PPP4R2: variants seen among roughly 807,000 people sequenced by gnomAD.
PPP4R2 encodes the protein protein phosphatase 4 regulatory subunit 2.
In PPP4R2, 13 loss-of-function variants were observed where a neutral mutation model predicts 47.2. The ratio of observed to expected loss-of-function variants is 0.28; its 90% CI spans 0.18 to 0.44. PPP4R2 has a LOEUF of 0.44. Ranked by LOEUF, PPP4R2 falls within the 20% of genes least tolerant of loss-of-function variation. The pLI, the probability that PPP4R2 is intolerant of heterozygous loss-of-function variation, is 1.00. For synonymous variants in PPP4R2, 151 were observed against 163.3 expected (o/e 0.92, Z 0.57); for missense variants, 421 against 491.2 (o/e 0.86, Z 1.35).
chr3:73,008,497 C>T (rs188564323), intron 2 of PPP4R2, among the ~76,000 whole-genome samples: 9 of 152,212 alleles, frequency 5.9e-5, no homozygotes, highest in East Asian at 5.8e-4. Context: ...TTTTACTAGT[C>T]GTTGGCTAGT....
At chr3:73,063,485 A>G (rs1211892869) in intron 5 of PPP4R2, 188 bp from the exon 6 acceptor site, 11 of 518,980 alleles carry the variant, frequency 2.1e-5, no homozygotes, top group Non-Finnish European at 3.5e-5. Context: ...ATAGCTGCGC[A>G]TGGCATCACA....
intron 3 of PPP4R2, among the ~76,000 whole-genome samples, chr3:73,048,481 C>T (rs773151621): frequency 2.0e-5 from 3 of 152,100 alleles, no homozygotes; most frequent in Admixed American, 2.0e-4. Flanking sequence ...GTCTCCAACT[C>T]CTGACCTTGT....
At chr3:73,025,897 G>A (rs1321589814) in intron 2 of PPP4R2, among the ~76,000 whole-genome samples, 1 of 152,108 alleles carries the variant, frequency 6.6e-6, no homozygotes, top group African/African-American at 2.4e-5. Flanking sequence ...ATGAGAATTT[G>A]TAATGGTGCA....
intron 2 of PPP4R2, among the ~76,000 whole-genome samples, chr3:73,021,031 T>G (rs1701949466): frequency 6.6e-6 from 1 of 152,128 alleles, no homozygotes; most frequent in African/African-American, 2.4e-5. Flanking sequence ...TATGTAACAC[T>G]TGTCAAAGAT....
chr3:73,045,295 A>G lies in PPP4R2; in HGVS notation c.117-1891A>G, dbSNP rs372780696. On this transcript the variant is annotated intron_variant, in intron 2 of 8. Transcript: ENST00000356692. ...TGGGATTACAGGCGTGAGCCACCAC[A>G]CCTGGCCTCGTATAATATTTTTATG... Among the ~76,000 whole-genome samples the G allele has an allele frequency of 4.3e-4, 65 of 152,110 alleles. 1 individual carries two copies. The East Asian group carries it at 0.012, about 29-fold the overall frequency.
chr3:73,014,190 A>G (rs1043169073), intron 2 of PPP4R2, among the ~76,000 whole-genome samples: 1 of 130,768 alleles, frequency 7.6e-6, no homozygotes, highest in African/African-American at 2.7e-5. Flanking sequence ...TGGCTTTCCA[A>G]AAAACTTGTT....
At chr3:73,012,363 A>G (rs1420668944) in intron 2 of PPP4R2, among the ~76,000 whole-genome samples, 1 of 151,956 alleles carries the variant, frequency 6.6e-6, no homozygotes, top group African/African-American at 2.4e-5. Flanking sequence ...GCAGCGGCGC[A>G]ATCTCAGCTC....
intron 2 of PPP4R2, among the ~76,000 whole-genome samples, chr3:73,022,974 T>C (rs1213287379): frequency 2.0e-5 from 3 of 152,062 alleles, no homozygotes; most frequent in Admixed American, 2.0e-4. Context: ...GGTAAGAAAA[T>C]GTTTTAAGAG....
At chr3:73,049,456 G>A (rs980095813) in intron 3 of PPP4R2, among the ~76,000 whole-genome samples, 3 of 151,130 alleles carry the variant, frequency 2.0e-5, no homozygotes, top group Admixed American at 6.6e-5. Context: ...CCAAGATCTC[G>A]CTACTGCATT....
At chr3:73,022,648 A>G (rs1484267323) in intron 2 of PPP4R2, among the ~76,000 whole-genome samples, 2 of 152,184 alleles carry the variant, frequency 1.3e-5, no homozygotes, top group African/African-American at 4.8e-5. Context: ...TATCTTTGCT[A>G]CCAAGTTTAA....
chr3:73,040,557 T>C (rs935527812), intron 2 of PPP4R2, among the ~76,000 whole-genome samples: 1 of 148,128 alleles, frequency 6.8e-6, no homozygotes, highest in Non-Finnish European at 1.5e-5. Context: ...TGGAGTGCAG[T>C]GCAGTGGCAT....
At chr3:73,035,144 T>C (rs1702238886) in intron 2 of PPP4R2, among the ~76,000 whole-genome samples, 1 of 152,204 alleles carries the variant, frequency 6.6e-6, no homozygotes, top group Non-Finnish European at 1.5e-5. Flanking sequence ...TCAGAAGACA[T>C]ACAGGTATGT....
In PPP4R2 at chr3:73,014,787, A is replaced by G; in HGVS notation, c.116+16629A>G. 9.9e-6 allele frequency: 4 copies of G among 403,230 alleles called. 1 individual carries two copies. The highest frequency in any genetic ancestry group is 4.3e-5 in the Admixed American group (1 of 23,060). The allele number at this position is 403,230 out of a possible 1,614,324, so 25.0% of individuals were successfully genotyped here. On this transcript the variant is annotated intron_variant, in intron 2 of 8. Coordinates refer to ENST00000356692, the MANE Select transcript of PPP4R2 (RefSeq NM_174907.4). ...CTAGACTAAAAAAATTGCCTGTATC[A>G]TTTGTTTCATTGGAGATTTGAAAGT...
At chr3:73,062,666 T>C (rs1245151984) in intron 5 of PPP4R2, 1 of 1,613,974 alleles carries the variant, frequency 6.2e-7, no homozygotes, top group Non-Finnish European at 8.5e-7. Context: ...GCATTGCGGC[T>C]GGATCAAGTG....
At chr3:73,037,954 GT>G (rs1702299140) in intron 2 of PPP4R2, among the ~76,000 whole-genome samples, 1 of 152,172 alleles carries the variant, frequency 6.6e-6, no homozygotes, top group African/African-American at 2.4e-5. Context: ...GTCAAGGATT[GT>G]TACATATTTC....
chr3:73,035,626 T>C (rs1702247754), intron 2 of PPP4R2, among the ~76,000 whole-genome samples: 1 of 151,180 alleles, frequency 6.6e-6, no homozygotes, highest in Non-Finnish European at 1.5e-5. Context: ...CTGCACTTTC[T>C]TTTTTTTTCC....
chr3:73,051,942 CT>C (rs879430686), intron 3 of PPP4R2, among the ~76,000 whole-genome samples: 17 of 152,098 alleles, frequency 1.1e-4, no homozygotes, highest in Admixed American at 3.3e-4. Context: ...AGATTTTTCC[CT>C]CTTTGAAGTG....
At chr3:73,015,273 TGGTTCA>T (rs1379465453) in intron 2 of PPP4R2, among the ~76,000 whole-genome samples, 1 of 151,994 alleles carries the variant, frequency 6.6e-6, no homozygotes, top group Non-Finnish European at 1.5e-5. Flanking sequence ...TCTGCCTCCC[TGGTTCA>T]AGCAGTTCTC....
intron 2 of PPP4R2, chr3:73,016,184 C>G (rs7653855): frequency 0.13 from 19,896 of 152,198 alleles, 1,598 homozygotes; most frequent in East Asian, 0.36. Context: ...TAAATTAGAT[C>G]TGAAATTATT....
Sources: gnomAD v4.1 joint callset for allele counts (sites outside exome capture counted in the v4.1 genomes callset) on GRCh38, gnomAD v4.1.1 for gene constraint, MANE v1.5 for transcripts, NCBI Gene and HGNC (gene_info 2026-07-23, HGNC 2026-07-21) for gene names.